The following AMPH variants were observed in gnomAD, a reference collection of about 807,000 sequenced individuals.
AMPH encodes the protein amphiphysin (Stiff-Mann syndrome with breast cancer 128kD autoantigen).
AMPH carries 49 observed loss-of-function variants against 99.1 expected under a neutral mutation model. That is an observed-to-expected ratio of 0.49 (90% CI 0.39 to 0.63). AMPH has a LOEUF of 0.63. Among genes scored for constraint, AMPH ranks in the 20% least tolerant of loss-of-function variants. The pLI, the probability that AMPH is intolerant of heterozygous loss-of-function variation, is 0.00. For synonymous variants in AMPH, 314 were observed against 317.3 expected (o/e 0.99, Z 0.11); for missense variants, 759 against 863.4 (o/e 0.88, Z 1.52).
Position 38,410,072 on chromosome 7 carries a change from G to T in AMPH, c.1398+7753C>A, listed in dbSNP as rs1030675747. ...GGGATTGCAAATAGTTTGTTAAAGA[G>T]ATTGCTTAAGGAAGACACATTTATG... is the stretch of plus-strand genomic sequence containing the variant. On this transcript the variant is annotated intron_variant, in intron 17 of 20. Coordinates refer to ENST00000356264, the MANE Select transcript of AMPH (RefSeq NM_001635.4). Among the ~76,000 whole-genome samples, 9 of 152,196 alleles carry T rather than the reference G, an allele frequency of 5.9e-5. No homozygotes were observed. In the East Asian group the frequency reaches 1.7e-3, roughly 29 times the overall value.
chr7:38,469,153 CAAAAAAAAAAAAAAA>C (rs869172352), intron 7 of AMPH, among the ~76,000 whole-genome samples: 3 of 28,880 alleles, frequency 1.0e-4, no homozygotes, highest in South Asian at 2.5e-3. Context: ...GACTCCGCCT[CAAAAAAAAAAAAAAA>C]AAAAAAAAAA....
Position 38,383,893 on chromosome 7 carries a change from G to A in AMPH, c.*925C>T, listed in dbSNP as rs1784282630. The A allele has an allele frequency of 6.6e-6, 1 of 152,584 alleles. No homozygotes were observed. The highest frequency in any genetic ancestry group is 6.5e-5 in the Admixed American group (1 of 15,270). 9.5% of individuals were successfully genotyped at this position (152,584 alleles called of 1,614,324 possible). A position where few individuals can be genotyped will look rare whatever the true frequency, so the allele number is the denominator to read the frequency against. Reference sequence around the variant, plus strand: ...AGCTGTTTTTATAGTGTTCTTTTGGGGGTAGATGAATATGCCCCATCTTTC... The same window carrying A: ...AGCTGTTTTTATAGTGTTCTTTTGGAGGTAGATGAATATGCCCCATCTTTC... On this transcript the variant is annotated 3_prime_UTR_variant, in exon 21 of 21. Transcript: ENST00000356264.
At chr7:38,413,639 AT>A (rs58351046) in intron 17 of AMPH, among the ~76,000 whole-genome samples, 7 of 151,798 alleles carry the variant, frequency 4.6e-5, no homozygotes, top group African/African-American at 1.7e-4. Context: ...CAATTCTGTG[AT>A]TTTTTTTTCT....
At chr7:38,503,176 G>A (rs891384866) in intron 3 of AMPH, among the ~76,000 whole-genome samples, 7 of 152,224 alleles carry the variant, frequency 4.6e-5, no homozygotes, top group African/African-American at 1.7e-4. Flanking sequence ...AGGGATGCAA[G>A]CGCTGCTAAT....
Position 38,461,279 on chromosome 7 carries a change from T to C in AMPH, c.1017+4A>G. 1 of 1,611,998 alleles carries C rather than the reference T, an allele frequency of 6.2e-7. No individual in the cohort carries two copies. Reference sequence around the variant, plus strand: ...GACATACCAGCCCTGAACCAGGCACTTACCTGGGAAGGTGTTGTCACACTG... The same window carrying C: ...GACATACCAGCCCTGAACCAGGCACCTACCTGGGAAGGTGTTGTCACACTG... On this transcript the variant is annotated splice_donor_region_variant and intron_variant, in intron 11 of 20. Coordinates refer to ENST00000356264, the MANE Select transcript of AMPH (RefSeq NM_001635.4).
At chr7:38,482,215 T>C (rs1788310400) in intron 5 of AMPH, among the ~76,000 whole-genome samples, 1 of 152,154 alleles carries the variant, frequency 6.6e-6, no homozygotes, top group Non-Finnish European at 1.5e-5. Flanking sequence ...GTTTCCTAAA[T>C]GTGGCTTGAG....
chr7:38,613,058 A>G (rs1353431736), intron 1 of AMPH, among the ~76,000 whole-genome samples: 2 of 152,202 alleles, frequency 1.3e-5, no homozygotes, highest in Admixed American at 6.5e-5. Flanking sequence ...TTAAAAAAAA[A>G]GCATCATTTT....
intron 2 of AMPH, among the ~76,000 whole-genome samples, chr7:38,507,333 A>T (rs1296339048): frequency 6.6e-6 from 1 of 152,184 alleles, no homozygotes; most frequent in African/African-American, 2.4e-5. Context: ...GATTTAAATG[A>T]CTTTCTTCTT....
At chr7:38,393,042 T>G (rs1784560670) in intron 18 of AMPH, among the ~76,000 whole-genome samples, 1 of 152,206 alleles carries the variant, frequency 6.6e-6, no homozygotes, top group Admixed American at 6.5e-5. Flanking sequence ...CCCTCTGCTA[T>G]CAGCAGACTA....
intron 1 of AMPH, among the ~76,000 whole-genome samples, chr7:38,588,169 G>C (rs1792734325): frequency 6.6e-6 from 1 of 151,930 alleles, no homozygotes; most frequent in Non-Finnish European, 1.5e-5. Flanking sequence ...GTCCAGGCTG[G>C]TCTCAAACTT....
intron 1 of AMPH, among the ~76,000 whole-genome samples, chr7:38,630,799 C>A (rs146684399): frequency 1.8e-3 from 273 of 152,326 alleles, no homozygotes; most frequent in Middle Eastern, 3.4e-3. Context: ...ACTTAAGTAG[C>A]CACAAAATCC....
chr7:38,622,057 TG>T (rs1348315824), intron 1 of AMPH, among the ~76,000 whole-genome samples: 3 of 152,232 alleles, frequency 2.0e-5, no homozygotes, highest in East Asian at 3.9e-4. Context: ...TATTCTTTCA[TG>T]GGTAAATTCC....
chr7:38,429,467 AG>A, intron 14 of AMPH: 1 of 1,306,664 alleles, frequency 7.7e-7, no homozygotes, highest in Non-Finnish European at 1.0e-6. Context: ...CAGGGCCCCA[AG>A]TAAATGCACC....
intron 17 of AMPH, among the ~76,000 whole-genome samples, chr7:38,395,568 T>C (rs1306378264): frequency 6.6e-6 from 1 of 152,230 alleles, no homozygotes; most frequent in Non-Finnish European, 1.5e-5. Flanking sequence ...AGACTTGATT[T>C]GAGAGGTTCA....
intron 9 of AMPH, 141 bp from the exon 10 acceptor site, chr7:38,463,254 T>C (rs765500586): frequency 1.8e-6 from 2 of 1,107,716 alleles, no homozygotes; most frequent in Non-Finnish European, 2.7e-6. Context: ...TTAATTCTGG[T>C]TAATTGCAAC....
At chr7:38,519,224 G>A (rs1283838413) in intron 2 of AMPH, among the ~76,000 whole-genome samples, 1 of 152,200 alleles carries the variant, frequency 6.6e-6, no homozygotes, top group African/African-American at 2.4e-5. Context: ...TACCCACTCT[G>A]TGGTATTCTG....
chr7:38,430,388 C>G (rs1177573609), intron 13 of AMPH, among the ~76,000 whole-genome samples: 1 of 152,218 alleles, frequency 6.6e-6, no homozygotes. Context: ...CCCAAATTAG[C>G]AGCCATTTTC....
At chr7:38,506,638 A>C (rs1387690283) in intron 2 of AMPH, among the ~76,000 whole-genome samples, 1 of 152,234 alleles carries the variant, frequency 6.6e-6, no homozygotes, top group Non-Finnish European at 1.5e-5. Flanking sequence ...ATAATTGTAG[A>C]ATCTGGGGGC....
intron 2 of AMPH, among the ~76,000 whole-genome samples, chr7:38,525,680 A>G (rs559321654): frequency 9.2e-5 from 14 of 152,166 alleles, no homozygotes; most frequent in African/African-American, 3.4e-4. Context: ...AAAGAGTCAC[A>G]TAAGTGGAAT....
Sources: allele counts gnomAD v4.1 joint callset (sites outside exome capture counted in the v4.1 genomes callset), GRCh38; gene constraint gnomAD v4.1.1; transcripts MANE v1.5; gene names NCBI Gene and HGNC (gene_info 2026-07-23, HGNC 2026-07-21).